The following MAP2K6 variants were observed in gnomAD, a reference collection of about 807,000 sequenced individuals.
MAP2K6 encodes mitogen-activated protein kinase kinase 6, also known as dual specificity mitogen-activated protein kinase kinase 6.
A neutral mutation model predicts 53.7 loss-of-function variants in MAP2K6; 16 were observed. That is an observed-to-expected ratio of 0.30 (90% CI 0.20 to 0.45). The LOEUF is 0.45. Ranked by LOEUF, MAP2K6 falls within the 20% of genes least tolerant of loss-of-function variation. The probability of loss-of-function intolerance (pLI) is 1.00; values close to 1 mark genes in which losing one functional copy is unlikely to be tolerated. For synonymous variants in MAP2K6, 132 were observed against 143.1 expected (o/e 0.92, Z 0.55); for missense variants, 204 against 411.9 (o/e 0.50, Z 4.37).
chr17:69,501,422 T>G (rs2716213), intron 1 of MAP2K6, among the ~76,000 whole-genome samples: 61,434 of 151,994 alleles, frequency 0.4, 12,736 homozygotes, highest in East Asian at 0.52. Flanking sequence ...ACCTCTCGTG[T>G]ACCCCATCAT....
chr17:69,515,720 A>G (rs556695480), intron 2 of MAP2K6, among the ~76,000 whole-genome samples: 25 of 152,224 alleles, frequency 1.6e-4, no homozygotes, highest in Non-Finnish European at 2.6e-4. Flanking sequence ...TTGATAAGAC[A>G]GCCTGGTTGA....
At chr17:69,421,317 C>T (rs1004751491) in intron 1 of MAP2K6, among the ~76,000 whole-genome samples, 5 of 151,934 alleles carry the variant, frequency 3.3e-5, no homozygotes, top group African/African-American at 1.2e-4. Flanking sequence ...TAATGGCTGG[C>T]GAAGTGTCAT....
intron 1 of MAP2K6, among the ~76,000 whole-genome samples, chr17:69,415,958 A>T (rs929639982): frequency 1.3e-5 from 2 of 152,168 alleles, no homozygotes; most frequent in Non-Finnish European, 2.9e-5. Context: ...AAGGGGATTT[A>T]AAAAATTCCT....
At chr17:69,451,593 C>T (rs879315683) in intron 1 of MAP2K6, among the ~76,000 whole-genome samples, 12 of 152,078 alleles carry the variant, frequency 7.9e-5, no homozygotes, top group Non-Finnish European at 1.3e-4. Context: ...GTTCTTGGGA[C>T]CAGCATTTGA....
chr17:69,419,136 A>G (rs817543), intron 1 of MAP2K6, among the ~76,000 whole-genome samples: 83,148 of 152,032 alleles, frequency 0.55, 23,298 homozygotes, highest in African/African-American at 0.67. Flanking sequence ...AACAACCGTG[A>G]ATTTTAATTT....
chr17:69,447,508 G>A (rs373621252), intron 1 of MAP2K6, among the ~76,000 whole-genome samples: 6 of 151,702 alleles, frequency 4.0e-5, no homozygotes, highest in South Asian at 4.2e-4. Flanking sequence ...ACCATGCCTC[G>A]CTAATTTTTG....
chr17:69,455,836 G>T (rs995789836), intron 1 of MAP2K6, among the ~76,000 whole-genome samples: 3 of 149,878 alleles, frequency 2.0e-5, no homozygotes, highest in Admixed American at 1.3e-4. Flanking sequence ...GACTGAGTGG[G>T]TTCCTGGACT....
chr17:69,516,741 C>A (rs1350099183), intron 2 of MAP2K6, 114 bp from the exon 3 acceptor site: 1 of 738,004 alleles, frequency 1.4e-6, no homozygotes, highest in East Asian at 2.6e-5. Context: ...TTAGTTTACT[C>A]ATGAACTTCC....
At chr17:69,526,444 C>T in intron 9 of MAP2K6, 126 bp from the exon 10 acceptor site, 1 of 963,216 alleles carries the variant, frequency 1.0e-6, no homozygotes, top group Non-Finnish European at 1.5e-6. Flanking sequence ...TCCTGCCCCC[C>T]TACCCCTGGA....
intron 9 of MAP2K6, 88 bp downstream of exon 9, chr17:69,525,066 T>C (rs1001547988): frequency 1.8e-6 from 2 of 1,129,446 alleles, no homozygotes; most frequent in African/African-American, 3.0e-5. Flanking sequence ...ACAAATGCCC[T>C]AAATGCTGGT....
In MAP2K6 at chr17:69,542,027, G is replaced by A. The variant is rs1282394603; in HGVS notation, c.*274G>A. The A allele has an allele frequency of 5.2e-6, 1 of 192,850 alleles. No individual in the cohort carries two copies. Among genetic ancestry groups the A allele is most frequent in the Admixed American group, 5.8e-5 (1 of 17,098 alleles). The allele number at this position is 192,850 out of a possible 1,614,324, so 11.9% of individuals were successfully genotyped here. ...AATGATGTGTCATATGAGTCCTCAA[G>A]CTTCTCAGACTTCTCTTATTCTTTA... On this transcript the variant is annotated 3_prime_UTR_variant, in exon 12 of 12. Coordinates refer to ENST00000590474, the MANE Select transcript of MAP2K6 (RefSeq NM_002758.4).
At chr17:69,466,047 T>C (rs900465803) in intron 1 of MAP2K6, among the ~76,000 whole-genome samples, 11 of 147,052 alleles carry the variant, frequency 7.5e-5, no homozygotes, top group Non-Finnish European at 1.3e-4. Flanking sequence ...CCAAGGTGGG[T>C]GGATCACCTG....
chr17:69,448,862 A>G (rs1183201238), intron 1 of MAP2K6, among the ~76,000 whole-genome samples: 1 of 152,184 alleles, frequency 6.6e-6, no homozygotes, highest in Non-Finnish European at 1.5e-5. Flanking sequence ...GCATTTCCAC[A>G]CACTGAAGTT....
intron 1 of MAP2K6, among the ~76,000 whole-genome samples, chr17:69,456,107 C>T (rs987358917): frequency 1.2e-4 from 19 of 152,168 alleles, no homozygotes; most frequent in South Asian, 8.3e-4. Flanking sequence ...TAGATCCGCC[C>T]GCATCGGCCT....
rs1350054816 is a variant in MAP2K6 at position 69,544,580 on chromosome 17, A to AAATC, written c.*2829_*2832dup. 6.6e-6 allele frequency: 1 copy of AAATC among 152,234 alleles called. No homozygotes were observed. The highest frequency in any genetic ancestry group is 1.5e-5 in the Non-Finnish European group (1 of 68,038). The allele number at this position is 152,234 out of a possible 1,614,324, so 9.4% of individuals were successfully genotyped here. A position where few individuals can be genotyped will look rare whatever the true frequency, so the allele number is the denominator to read the frequency against. ...TGTCTACACCTATCAATGTATTACA[A>AAATC]AATCAGTATAGCTCTACAAAAGAGA... On this transcript the variant is annotated 3_prime_UTR_variant, in exon 12 of 12. Coordinates refer to ENST00000590474, the MANE Select transcript of MAP2K6 (RefSeq NM_002758.4).
intron 1 of MAP2K6, chr17:69,433,251 G>A (rs1320639851): frequency 1.3e-5 from 2 of 152,254 alleles, no homozygotes; most frequent in Non-Finnish European, 2.9e-5. Flanking sequence ...GACCGAGAGA[G>A]ATTATGTAAC....
chr17:69,524,942 T>C lies in MAP2K6; in HGVS notation c.705T>C (p.Ser235=), dbSNP rs1347257100. 1 of 1,613,246 alleles carries C rather than the reference T, an allele frequency of 6.2e-7. No individual in the cohort carries two copies. The highest frequency in any genetic ancestry group is 8.5e-7 in the Non-Finnish European group (1 of 1,179,482). The change falls in exon 9 of 12, where the codon AGT becomes AGC. Residue 235 remains serine (S), a synonymous_variant. Coordinates refer to ENST00000590474, the MANE Select transcript of MAP2K6 (RefSeq NM_002758.4). ...INPELNQKGY[S]VKSDIWSLGI... ...CAGAGCTCAACCAGAAGGGATACAG[T>C]GTGAAGTCTGACATTTGGAGTCTGG... is the stretch of plus-strand genomic sequence containing the variant.
chr17:69,436,094 G>C (rs1272456840), intron 1 of MAP2K6, among the ~76,000 whole-genome samples: 2 of 151,680 alleles, frequency 1.3e-5, no homozygotes, highest in East Asian at 3.9e-4. Flanking sequence ...GAAGTGAACA[G>C]CTGTCACACT....
chr17:69,423,201 A>AAACAC (rs1906152732), intron 1 of MAP2K6, among the ~76,000 whole-genome samples: 1 of 152,140 alleles, frequency 6.6e-6, no homozygotes, highest in Non-Finnish European at 1.5e-5. Context: ...GCTGTTTTTA[A>AAACAC]GTATAGCCCG....
Sources: allele counts gnomAD v4.1 joint callset (sites outside exome capture counted in the v4.1 genomes callset), GRCh38; gene constraint gnomAD v4.1.1; transcripts MANE v1.5; gene names NCBI Gene and HGNC (gene_info 2026-07-23, HGNC 2026-07-21).